Variants in DDR2 observed in about 807,000 individuals in gnomAD.
The protein encoded by DDR2 is discoidin domain-containing receptor 2.
Under a neutral mutation model 94.9 loss-of-function variants are expected in DDR2, and 27 were observed. The ratio of observed to expected loss-of-function variants is 0.28; its 90% CI spans 0.21 to 0.39. The LOEUF (loss-of-function observed/expected upper bound fraction) is 0.39. Ranked by LOEUF, DDR2 falls within the 10% of genes least tolerant of loss-of-function variation. DDR2 has a pLI of 1.00. For missense variants in DDR2, 783 were observed against 1,076.0 expected, an observed-to-expected ratio of 0.73 and a Z score of 3.81; for synonymous variants, 382 against 377.2, an observed-to-expected ratio of 1.01 and a Z score of -0.15.
At chr1:162,715,225 C>T (rs1392786215) in intron 2 of DDR2, among the ~76,000 whole-genome samples, 1 of 151,980 alleles carries the variant, frequency 6.6e-6, no homozygotes, top group African/African-American at 2.4e-5. Context: ...GTTGAGACTA[C>T]AACAACGAAT....
intron 9 of DDR2, among the ~76,000 whole-genome samples, chr1:162,765,682 C>T (rs758471685): frequency 2.8e-4 from 43 of 151,256 alleles, no homozygotes; most frequent in Non-Finnish European, 5.6e-4. Context: ...TCTATATTTT[C>T]ACTGAATTTG....
At chr1:162,708,456 G>A (rs1374195242) in intron 2 of DDR2, among the ~76,000 whole-genome samples, 2 of 152,192 alleles carry the variant, frequency 1.3e-5, no homozygotes, top group African/African-American at 4.8e-5. Flanking sequence ...GGTCCTGGTG[G>A]AAATGGCACA....
chr1:162,710,338 G>A (rs1227917335), intron 2 of DDR2, among the ~76,000 whole-genome samples: 1 of 152,160 alleles, frequency 6.6e-6, no homozygotes, highest in African/African-American at 2.4e-5. Context: ...TACGGAAGGG[G>A]TCATTCTGGG....
chr1:162,716,306 G>C (rs1661165100), intron 2 of DDR2, among the ~76,000 whole-genome samples: 1 of 152,144 alleles, frequency 6.6e-6, no homozygotes, highest in Admixed American at 6.5e-5. Flanking sequence ...TGCTAGGAGA[G>C]GGCGGTGAGC....
chr1:162,693,828 T>C (rs12126718), intron 2 of DDR2, among the ~76,000 whole-genome samples: 7,148 of 152,228 alleles, frequency 0.047, 207 homozygotes, highest in South Asian at 0.084. Flanking sequence ...AGGCCCTGCA[T>C]TGGGATCCTT....
chr1:162,730,915 A>C (rs16844160), intron 3 of DDR2, among the ~76,000 whole-genome samples: 2,126 of 152,310 alleles, frequency 0.014, 31 homozygotes, highest in African/African-American at 0.037. Flanking sequence ...TGTCCCGTAG[A>C]GACCGTCTGC....
chr1:162,767,656 G>A (rs143820231), intron 11 of DDR2, among the ~76,000 whole-genome samples: 3 of 152,106 alleles, frequency 2.0e-5, no homozygotes, highest in African/African-American at 7.2e-5. Context: ...TGGATTTTGG[G>A]TAGAGTCCAG....
intron 2 of DDR2, among the ~76,000 whole-genome samples, chr1:162,657,988 T>A (rs1035040274): frequency 5.3e-5 from 8 of 152,316 alleles, no homozygotes; most frequent in South Asian, 2.1e-4. Flanking sequence ...ATTCACAGTG[T>A]CTTCCTTTCC....
At chr1:162,631,616 G>C (rs528889807), upstream of DDR2, among the ~76,000 whole-genome samples, 1 of 152,136 alleles carries the variant, frequency 6.6e-6, no homozygotes, top group Non-Finnish European at 1.5e-5. Flanking sequence ...AAGGGTTAAG[G>C]CTGGAGCCTG....
At chr1:162,676,750 A>T (rs949060206) in intron 2 of DDR2, among the ~76,000 whole-genome samples, 1 of 152,142 alleles carries the variant, frequency 6.6e-6, no homozygotes. Flanking sequence ...AATTCCTAGG[A>T]GGTAAATATT....
chr1:162,755,598 T>A, intron 6 of DDR2, 66 bp from the exon 7 acceptor site: 2 of 1,454,726 alleles, frequency 1.4e-6, no homozygotes, highest in Non-Finnish European at 1.9e-6. Flanking sequence ...CCCTTGAAAC[T>A]CACATAGTTC....
chr1:162,748,305 G>T (rs1234738451), intron 3 of DDR2, among the ~76,000 whole-genome samples: 2 of 152,080 alleles, frequency 1.3e-5, no homozygotes, highest in African/African-American at 2.4e-5. Flanking sequence ...GATGGAGGAA[G>T]ATCCACCAAG....
intron 3 of DDR2, among the ~76,000 whole-genome samples, chr1:162,721,463 G>A (rs372477724): frequency 7.2e-5 from 11 of 152,164 alleles, no homozygotes; most frequent in Admixed American, 7.2e-4. Flanking sequence ...ATTTTACCAA[G>A]TCAAACCAGA....
intron 2 of DDR2, among the ~76,000 whole-genome samples, chr1:162,680,339 A>G (rs894050799): frequency 6.6e-6 from 1 of 152,152 alleles, no homozygotes; most frequent in Non-Finnish European, 1.5e-5. Context: ...TCCAGTTTCA[A>G]TCTTCTGCAT....
chr1:162,730,075 A>G (rs1661956509), intron 3 of DDR2, among the ~76,000 whole-genome samples: 1 of 148,698 alleles, frequency 6.7e-6, no homozygotes, highest in South Asian at 2.1e-4. Flanking sequence ...AAAAAAAAAA[A>G]TCTAAATGAT....
intron 3 of DDR2, among the ~76,000 whole-genome samples, chr1:162,746,913 C>T (rs1055092616): frequency 6.6e-6 from 1 of 152,196 alleles, no homozygotes; most frequent in South Asian, 2.1e-4. Flanking sequence ...AACAGACCTG[C>T]AGATGAGGGT....
chr1:162,690,233 TA>T (rs1406120422), intron 2 of DDR2, among the ~76,000 whole-genome samples: 4 of 152,138 alleles, frequency 2.6e-5, no homozygotes, highest in Admixed American at 2.6e-4. Flanking sequence ...TCACGAATAT[TA>T]CATAATCTGC....
rs147434971 is a variant in DDR2, at chr1:162,718,636, C to T, written c.-27-401C>T. Among the ~76,000 whole-genome samples the T allele has an allele frequency of 5.8e-3, 875 of 152,162 alleles. 9 individuals are homozygous for T. The highest frequency in any genetic ancestry group is 0.02 in the African/African-American group (819 of 41,512). ...TATTGAACTTATATGTTTTGAAAGG[C>T]AAACATTAAAAGTAAATGCTTCTCT... On this transcript the variant is annotated intron_variant, in intron 2 of 17. Coordinates refer to ENST00000367921, the MANE Select transcript of DDR2 (RefSeq NM_006182.4).
chr1:162,780,407 T>G lies in DDR2; in HGVS notation c.*161T>G. On this transcript the variant is annotated 3_prime_UTR_variant, in exon 18 of 18. Transcript: ENST00000367921. The stretch of plus-strand genomic sequence containing the variant: ...CCTGGTCACCCCCACTCCCTACCCC[T>G]GACTCATATACACTTTTTTTTTTTT... 3.4e-6 allele frequency: 3 copies of G among 893,744 alleles called. No homozygotes were observed. The highest frequency in any genetic ancestry group is 4.9e-6 in the Non-Finnish European group (3 of 607,842). 55.4% of individuals were successfully genotyped at this position (893,744 alleles called of 1,614,324 possible).
Sources: allele counts gnomAD v4.1 joint callset (sites outside exome capture counted in the v4.1 genomes callset), GRCh38; gene constraint gnomAD v4.1.1; transcripts MANE v1.5; gene names NCBI Gene and HGNC (gene_info 2026-07-23, HGNC 2026-07-21).